The following SNRPN variants were observed in gnomAD, a reference collection of about 807,000 sequenced individuals.
SNRPN encodes small nuclear ribonucleoprotein-associated protein N.
In SNRPN, 7 loss-of-function variants were observed where a neutral mutation model predicts 25.2. The ratio of observed to expected loss-of-function variants is 0.28; its 90% CI spans 0.16 to 0.52. The LOEUF is 0.52. Ranked by LOEUF, SNRPN falls within the 20% of genes least tolerant of loss-of-function variation. SNRPN has a pLI of 0.96. For missense variants in SNRPN, 196 were observed against 322.5 expected (o/e 0.61, Z 3.00); for synonymous variants, 124 against 110.6 (o/e 1.12, Z -0.76).
At chr15:24,968,624 T>G (rs575324290) in intron 3 of SNRPN, among the ~76,000 whole-genome samples, 1 of 152,310 alleles carries the variant, frequency 6.6e-6, no homozygotes, top group South Asian at 2.1e-4. Context: ...CACAGCATTA[T>G]TTTAATTCAA....
intron 3 of SNRPN, among the ~76,000 whole-genome samples, chr15:24,925,803 G>A (rs981200398): frequency 9.2e-5 from 14 of 151,430 alleles, no homozygotes; most frequent in South Asian, 4.2e-4. Context: ...GTGCAGTGGC[G>A]CGATCTCGGC....
At chr15:24,862,805 G>GA (rs1387065552) in intron 1 of SNRPN, among the ~76,000 whole-genome samples, 1 of 150,828 alleles carries the variant, frequency 6.6e-6, no homozygotes, top group African/African-American at 2.5e-5. Flanking sequence ...AGGGGCAGGG[G>GA]ATCCACCAGA....
At chr15:24,874,516 G>T in intron 1 of SNRPN, among the ~76,000 whole-genome samples, 1 of 152,180 alleles carries the variant, frequency 6.6e-6, no homozygotes, top group Non-Finnish European at 1.5e-5. Context: ...AAAGAATAGT[G>T]TAATCAGCTG....
At chr15:24,905,477 C>T (rs922040726) in intron 2 of SNRPN, among the ~76,000 whole-genome samples, 1 of 146,738 alleles carries the variant, frequency 6.8e-6, no homozygotes, top group Non-Finnish European at 1.5e-5. Flanking sequence ...CCACTGCACT[C>T]GAGCCTGGGT....
intron 3 of SNRPN, among the ~76,000 whole-genome samples, chr15:24,973,713 A>G (rs961481020): frequency 1.3e-5 from 2 of 152,134 alleles, no homozygotes; most frequent in South Asian, 2.1e-4. Context: ...AACGTGATTT[A>G]TAACTTTGTC....
intron 2 of SNRPN, among the ~76,000 whole-genome samples, chr15:24,902,742 A>G (rs1411960601): frequency 6.6e-6 from 1 of 152,160 alleles, no homozygotes; most frequent in African/African-American, 2.4e-5. Context: ...AGGTGGGTTC[A>G]TGGTCTCGCC....
At chr15:24,881,526 CGAGAGAGAGAGAGA>C (rs758798894) in intron 1 of SNRPN, among the ~76,000 whole-genome samples, 2 of 72,504 alleles carry the variant, frequency 2.8e-5, no homozygotes, top group Admixed American at 1.4e-4. Flanking sequence ...AGCGAAACTC[CGAGAGAGAGAGAGA>C]GAGAGAGAGA....
chr15:24,885,281 A>G (rs1440976787), intron 1 of SNRPN, among the ~76,000 whole-genome samples: 1 of 152,206 alleles, frequency 6.6e-6, no homozygotes, highest in Admixed American at 6.5e-5. Context: ...CCAGCAAGGA[A>G]TGTGCCTTAG....
At chr15:24,877,995 T>A in intron 1 of SNRPN, among the ~76,000 whole-genome samples, 1 of 152,306 alleles carries the variant, frequency 6.6e-6, no homozygotes, top group South Asian at 2.1e-4. Context: ...CAAACATGCA[T>A]GTACACGATT....
chr15:24,935,509 T>C (rs1359695155), intron 3 of SNRPN, among the ~76,000 whole-genome samples: 2 of 152,072 alleles, frequency 1.3e-5, no homozygotes, highest in Non-Finnish European at 1.5e-5. Context: ...ATAGGGAATG[T>C]TTTGTTTCTT....
At chr15:24,869,716 T>C (rs754627465) in intron 1 of SNRPN, among the ~76,000 whole-genome samples, 2 of 152,200 alleles carry the variant, frequency 1.3e-5, no homozygotes, top group Non-Finnish European at 2.9e-5. Flanking sequence ...TTTGATTACC[T>C]GGACAAGTTA....
chr15:24,853,578 G>T (rs938545670), upstream of SNRPN, among the ~76,000 whole-genome samples: 4 of 151,896 alleles, frequency 2.6e-5, no homozygotes, highest in Admixed American at 2.6e-4. Flanking sequence ...TATTTTTAGT[G>T]GAGACGGGGT....
intron 2 of SNRPN, among the ~76,000 whole-genome samples, chr15:24,844,378 C>T (rs2052002348): frequency 6.6e-6 from 1 of 152,096 alleles, no homozygotes; most frequent in South Asian, 2.1e-4. Flanking sequence ...TTAAATTTAA[C>T]TATGTATATG....
intron 1 of SNRPN, among the ~76,000 whole-genome samples, chr15:24,877,659 AAAACAC>A (rs1251088402): frequency 1.0e-5 from 1 of 98,356 alleles, no homozygotes; most frequent in African/African-American, 4.8e-5. Context: ...ACATCTCTAC[AAAACAC>A]ACACACACAC....
chr15:24,870,341 T>G (rs2054972462), intron 1 of SNRPN, among the ~76,000 whole-genome samples: 4 of 152,212 alleles, frequency 2.6e-5, no homozygotes, highest in Admixed American at 2.6e-4. Context: ...GAAACGTACC[T>G]GTGTATACTA....
intron 3 of SNRPN, among the ~76,000 whole-genome samples, chr15:24,928,309 A>C (rs575348425): frequency 6.6e-6 from 1 of 152,284 alleles, no homozygotes; most frequent in South Asian, 2.1e-4. Flanking sequence ...ACGATAGCCA[A>C]GATATGGAAT....
intron 2 of SNRPN, among the ~76,000 whole-genome samples, chr15:24,894,110 G>A (rs1382328779): frequency 2.6e-5 from 4 of 152,152 alleles, no homozygotes; most frequent in East Asian, 1.9e-4. Context: ...CAACCCACAT[G>A]TCTGTCCAGC....
intron 2 of SNRPN, among the ~76,000 whole-genome samples, chr15:24,907,563 A>T (rs1402977163): frequency 6.6e-6 from 1 of 151,784 alleles, no homozygotes; most frequent in African/African-American, 2.4e-5. Context: ...GTGCCACTGC[A>T]CTCCAGCCTG....
intron 1 of SNRPN, among the ~76,000 whole-genome samples, chr15:24,873,189 T>C (rs1316876476): frequency 8.3e-6 from 1 of 120,706 alleles, no homozygotes; most frequent in East Asian, 2.9e-4. Flanking sequence ...GCAACAGGGA[T>C]TCCCATAGCA....
Sources: gnomAD v4.1 joint callset for allele counts (sites outside exome capture counted in the v4.1 genomes callset) on GRCh38, gnomAD v4.1.1 for gene constraint, MANE v1.5 for transcripts, NCBI Gene and HGNC (gene_info 2026-07-23, HGNC 2026-07-21) for gene names.